ADAM32: variants seen among roughly 807,000 people sequenced by gnomAD.
The protein encoded by ADAM32 is disintegrin and metalloproteinase domain-containing protein 32.
ADAM32 carries 89 observed loss-of-function variants against 114.9 expected under a neutral mutation model. The ratio of observed to expected loss-of-function variants is 0.77; its 90% CI spans 0.65 to 0.92. The LOEUF (loss-of-function observed/expected upper bound fraction) is 0.92. ADAM32 is among the 40% of genes least tolerant of loss of function. ADAM32 has a pLI of 0.00. For missense variants in ADAM32, 870 were observed against 932.8 expected (o/e 0.93, Z 0.88); for synonymous variants, 285 against 307.5 (o/e 0.93, Z 0.77).
Position 39,254,543 on chromosome 8 carries a change from A to G in ADAM32, c.2005+27A>G, listed in dbSNP as rs371509363. 5.6e-5 allele frequency: 82 copies of G among 1,467,168 alleles called. No homozygotes were observed. The African/African-American group carries it at 9.3e-4, about 17-fold the overall frequency. The allele number at this position is 1,467,168 out of a possible 1,614,324, so 90.9% of individuals were successfully genotyped here. A position where few individuals can be genotyped will look rare whatever the true frequency, so the allele number is the denominator to read the frequency against. ...CAAGTATTTGTCTCTTTAAATACCC[A>G]TTTAATAAAATTCTCAAATTGCTTA... On this transcript the variant is annotated intron_variant, in intron 18 of 24. Coordinates refer to ENST00000379907, the MANE Select transcript of ADAM32 (RefSeq NM_145004.7).
chr8:39,262,847 A>T (rs1564712267), intron 19 of ADAM32, among the ~76,000 whole-genome samples: 1 of 152,010 alleles, frequency 6.6e-6, no homozygotes, highest in Admixed American at 6.6e-5. Flanking sequence ...CTGGGACAAC[A>T]GGTGCGTGCC....
At chr8:39,202,657 T>C (rs959929227) in intron 11 of ADAM32, among the ~76,000 whole-genome samples, 1 of 152,218 alleles carries the variant, frequency 6.6e-6, no homozygotes, top group Non-Finnish European at 1.5e-5. Context: ...TCTTATTTCA[T>C]TCTTGCCTTC....
At chr8:39,242,949 A>C (rs147886458) in intron 16 of ADAM32, among the ~76,000 whole-genome samples, 283 of 152,298 alleles carry the variant, frequency 1.9e-3, no homozygotes, top group African/African-American at 6.4e-3. Context: ...GAAATGGGAG[A>C]TATTACAACC....
intron 14 of ADAM32, among the ~76,000 whole-genome samples, chr8:39,227,359 G>C (rs7013465): frequency 0.039 from 5,958 of 152,224 alleles, 406 homozygotes; most frequent in African/African-American, 0.14. Context: ...GAGAAAGACC[G>C]TGGGAGTTCT....
At chr8:39,119,070 A>G (rs1426288255) in intron 2 of ADAM32, among the ~76,000 whole-genome samples, 1 of 152,168 alleles carries the variant, frequency 6.6e-6, no homozygotes, top group Non-Finnish European at 1.5e-5. Context: ...TTATCAGGTT[A>G]TTAATTTTTA....
intron 11 of ADAM32, among the ~76,000 whole-genome samples, chr8:39,207,583 C>T (rs1453242460): frequency 6.6e-6 from 1 of 152,178 alleles, no homozygotes; most frequent in Admixed American, 6.5e-5. Flanking sequence ...GCTCTTCTAG[C>T]TGTCTTGGAA....
upstream of ADAM32, chr8:39,107,593 G>A: frequency 7.1e-7 from 1 of 1,414,334 alleles, no homozygotes. Context: ...TAGCCTCGGG[G>A]CGCACGCTGC....
chr8:39,107,713 C>T, upstream of ADAM32: 5 of 1,549,148 alleles, frequency 3.2e-6, no homozygotes, highest in Non-Finnish European at 3.5e-6. Flanking sequence ...TCCGCGCGTC[C>T]CCGCGTCCCT....
chr8:39,117,367 G>A (rs1297435999), intron 1 of ADAM32, among the ~76,000 whole-genome samples: 1 of 151,130 alleles, frequency 6.6e-6, no homozygotes, highest in Non-Finnish European at 1.5e-5. Flanking sequence ...TTTTCTCACT[G>A]TTAGGCATTT....
intron 10 of ADAM32, among the ~76,000 whole-genome samples, chr8:39,172,792 G>C (rs1209694646): frequency 6.6e-6 from 1 of 152,156 alleles, no homozygotes; most frequent in African/African-American, 2.4e-5. Context: ...GACTAGTGCT[G>C]CAATGAACAT....
chr8:39,266,927 A>T (rs1470908020), intron 19 of ADAM32, among the ~76,000 whole-genome samples: 1 of 152,170 alleles, frequency 6.6e-6, no homozygotes, highest in Non-Finnish European at 1.5e-5. Context: ...CCAAGGCTCA[A>T]ATTAGCATTC....
intron 2 of ADAM32, among the ~76,000 whole-genome samples, chr8:39,129,122 T>TTG (rs1432106191): frequency 1.1e-5 from 1 of 94,088 alleles, no homozygotes; most frequent in Non-Finnish European, 2.1e-5. Context: ...CGTTTTTTTT[T>TTG]GTCTTTTTTT....
intron 17 of ADAM32, among the ~76,000 whole-genome samples, chr8:39,247,090 A>C (rs1324752585): frequency 6.6e-6 from 1 of 152,144 alleles, no homozygotes; most frequent in Non-Finnish European, 1.5e-5. Flanking sequence ...ATAGTTATTT[A>C]TCCACTCATC....
rs1054781834 is a variant in ADAM32, at chr8:39,118,139, A to G, written c.112A>G (p.Thr38Ala). The G allele has an allele frequency of 2.3e-5, 34 of 1,487,538 alleles. No homozygotes were observed. The highest frequency in any genetic ancestry group is 3.1e-5 in the Non-Finnish European group (34 of 1,114,380). 92.1% of individuals were successfully genotyped at this position (1,487,538 alleles called of 1,614,324 possible). A position where few individuals can be genotyped will look rare whatever the true frequency, so the allele number is the denominator to read the frequency against. ...AATTCCAGAGAAAATCCAAACAAAT[A>G]CAAATGACAGTTCAGAAATAGAATA... is the stretch of plus-strand genomic sequence containing the variant. ...IVIPEKIQTN[T>A]NDSSEIEYEQ... The change falls in exon 2 of 25, where the codon ACA becomes GCA. Residue 38 changes from threonine (T) to alanine (A), a missense_variant. Transcript: ENST00000379907.
chr8:39,208,628 C>A (rs1247348264), intron 11 of ADAM32, among the ~76,000 whole-genome samples: 3 of 152,090 alleles, frequency 2.0e-5, no homozygotes, highest in African/African-American at 7.2e-5. Flanking sequence ...AGTTTTGAAT[C>A]ACTTCTTCAT....
In ADAM32 at chr8:39,165,026, T is replaced by C. The variant is rs1393848944; in HGVS notation, c.667-4T>C. On this transcript the variant is annotated splice_polypyrimidine_tract_variant and splice_region_variant and intron_variant, in intron 8 of 24. Coordinates refer to ENST00000379907, the MANE Select transcript of ADAM32 (RefSeq NM_145004.7). Reference sequence around the variant, plus strand: ...ATGCATGTATTTATCTCTTCTGTTTTTAGATGTTCACCCAATTTAAAGTTA... The same window carrying C: ...ATGCATGTATTTATCTCTTCTGTTTCTAGATGTTCACCCAATTTAAAGTTA... The C allele has an allele frequency of 6.3e-7, 1 of 1,588,602 alleles. No individual in the cohort carries two copies. The highest frequency in any genetic ancestry group is 2.2e-5 in the East Asian group (1 of 44,586).
intron 1 of ADAM32, among the ~76,000 whole-genome samples, chr8:39,108,558 A>T (rs1325865821): frequency 6.6e-6 from 1 of 152,226 alleles, no homozygotes; most frequent in Non-Finnish European, 1.5e-5. Flanking sequence ...GGTTATCTCC[A>T]AACAATGCAA....
At chr8:39,124,414 C>CTTTTT (rs57362503) in intron 2 of ADAM32, among the ~76,000 whole-genome samples, 9 of 136,698 alleles carry the variant, frequency 6.6e-5, no homozygotes, top group East Asian at 2.2e-4. Flanking sequence ...TTTTCTTTTT[C>CTTTTT]TTTTTTTTTT....
intron 10 of ADAM32, 38 bp downstream of exon 10, chr8:39,170,035 G>A (rs777074922): frequency 3.4e-5 from 48 of 1,394,140 alleles, no homozygotes; most frequent in South Asian, 5.2e-5. Flanking sequence ...AAATTAACAC[G>A]TTTAAAAATT....
Sources: allele counts gnomAD v4.1 joint callset (sites outside exome capture counted in the v4.1 genomes callset), GRCh38; gene constraint gnomAD v4.1.1; transcripts MANE v1.5; gene names NCBI Gene and HGNC (gene_info 2026-07-23, HGNC 2026-07-21).